LAMA2: variants seen among roughly 807,000 people sequenced by gnomAD.
LAMA2 encodes the protein laminin subunit alpha 2, also known as laminin subunit alpha-2.
A neutral mutation model predicts 364.8 loss-of-function variants in LAMA2; 269 were observed. The observed-to-expected ratio is 0.74, with a 90% CI of 0.67 to 0.82. The LOEUF is 0.82. Ranked by LOEUF, LAMA2 falls within the 40% of genes least tolerant of loss-of-function variation. The pLI is 0.00. For missense variants in LAMA2, 3,807 were observed against 3,873.2 expected, an observed-to-expected ratio of 0.98 and a Z score of 0.45; for synonymous variants, 1,379 against 1,370.6, an observed-to-expected ratio of 1.01 and a Z score of -0.14.
At chr6:129,196,470 A>G (rs988904435) in intron 12 of LAMA2, among the ~76,000 whole-genome samples, 5 of 152,228 alleles carry the variant, frequency 3.3e-5, no homozygotes, top group Admixed American at 1.3e-4. Context: ...TAGGTTGCTC[A>G]GAAATGCCCA....
intron 1 of LAMA2, among the ~76,000 whole-genome samples, chr6:128,911,875 T>A (rs1777989483): frequency 6.6e-6 from 1 of 152,182 alleles, no homozygotes. Flanking sequence ...TCTTAGAATT[T>A]CCTTTATATG....
intron 32 of LAMA2, among the ~76,000 whole-genome samples, chr6:129,362,093 C>T (rs1777498509): frequency 6.6e-6 from 1 of 151,888 alleles, no homozygotes; most frequent in African/African-American, 2.4e-5. Context: ...CCAGTAGTAA[C>T]CATTTTTAAT....
intron 45 of LAMA2, among the ~76,000 whole-genome samples, chr6:129,446,207 C>T (rs1050218340): frequency 2.0e-5 from 3 of 151,436 alleles, no homozygotes; most frequent in East Asian, 3.9e-4. Flanking sequence ...GGGGTTATGG[C>T]AGGAATGAAG....
At chr6:129,418,411 A>G (rs1780908537) in intron 40 of LAMA2, among the ~76,000 whole-genome samples, 1 of 151,984 alleles carries the variant, frequency 6.6e-6, no homozygotes, top group African/African-American at 2.4e-5. Context: ...CCAAATTCTG[A>G]TGCTAGAAAT....
chr6:129,384,413 C>T (rs1404283904), intron 35 of LAMA2, among the ~76,000 whole-genome samples: 1 of 152,158 alleles, frequency 6.6e-6, no homozygotes, highest in Non-Finnish European at 1.5e-5. Flanking sequence ...ATTGACATTT[C>T]AAACACCCAA....
chr6:129,471,834 G>A (rs747995786), intron 51 of LAMA2, among the ~76,000 whole-genome samples: 28 of 151,794 alleles, frequency 1.8e-4, no homozygotes, highest in African/African-American at 6.5e-4. Context: ...CAAAAGTCTG[G>A]TTTGAGGTGT....
intron 55 of LAMA2, among the ~76,000 whole-genome samples, chr6:129,485,926 G>A (rs972680777): frequency 1.3e-5 from 2 of 152,202 alleles, no homozygotes; most frequent in Admixed American, 6.5e-5. Context: ...AACCACACTG[G>A]TTGCTATAGT....
At chr6:129,053,678 A>G (rs566579650) in intron 2 of LAMA2, among the ~76,000 whole-genome samples, 157 of 152,234 alleles carry the variant, frequency 1.0e-3, no homozygotes, top group Non-Finnish European at 1.9e-3. Context: ...AAAGCATAAA[A>G]TAGGTTTCCC....
chr6:129,235,464 T>TA (rs1376218994), intron 12 of LAMA2, among the ~76,000 whole-genome samples: 1 of 152,096 alleles, frequency 6.6e-6, no homozygotes, highest in African/African-American at 2.4e-5. Flanking sequence ...ATGAAGAAAA[T>TA]AAGTGTCCAA....
chr6:129,127,707 A>G (rs996830031), intron 4 of LAMA2, among the ~76,000 whole-genome samples: 3 of 152,092 alleles, frequency 2.0e-5, no homozygotes, highest in Admixed American at 2.0e-4. Flanking sequence ...GATATTACCT[A>G]TTCTGACAGG....
At chr6:129,375,763 A>G (rs1778337184) in intron 34 of LAMA2, among the ~76,000 whole-genome samples, 1 of 152,194 alleles carries the variant, frequency 6.6e-6, no homozygotes, top group African/African-American at 2.4e-5. Flanking sequence ...CTATATTTTC[A>G]AGGCTGACTT....
In LAMA2 at chr6:128,909,394, C is replaced by T. The variant is rs1371216602; in HGVS notation, c.112+26037C>T. Among the ~76,000 whole-genome samples the T allele has an allele frequency of 2.6e-5, 4 of 151,720 alleles. 1 individual carries two copies. In the South Asian group the frequency reaches 8.4e-4, roughly 32 times the overall value. ...TGATCCCTTTACCATTATGTAATGG[C>T]CTTCTTTGTCTCTTTTGATCTTTGT... is the stretch of plus-strand genomic sequence containing the variant. On this transcript the variant is annotated intron_variant, in intron 1 of 64. Coordinates refer to ENST00000421865, the MANE Select transcript of LAMA2 (RefSeq NM_000426.4).
intron 34 of LAMA2, among the ~76,000 whole-genome samples, chr6:129,374,579 CTT>C (rs10586725): frequency 0.022 from 3,147 of 140,570 alleles, 113 homozygotes; most frequent in African/African-American, 0.077. Flanking sequence ...TACTGCCAAT[CTT>C]TTTTTTTTTT....
chr6:129,112,533 G>A (rs1466011903), intron 4 of LAMA2, among the ~76,000 whole-genome samples: 1 of 151,960 alleles, frequency 6.6e-6, no homozygotes, highest in Non-Finnish European at 1.5e-5. Context: ...TTGGGTATAT[G>A]TAGCCAGTAA....
chr6:129,021,103 T>C (rs11154456), intron 1 of LAMA2, among the ~76,000 whole-genome samples: 26,664 of 152,202 alleles, frequency 0.18, 2,821 homozygotes, highest in African/African-American at 0.29. Flanking sequence ...AAGTTTCTCC[T>C]TTTTGGATTT....
chr6:129,099,355 T>C (rs1775386223), intron 4 of LAMA2, among the ~76,000 whole-genome samples: 1 of 151,992 alleles, frequency 6.6e-6, no homozygotes, highest in Non-Finnish European at 1.5e-5. Context: ...AAGGAAATAA[T>C]AACCATTACT....
At chr6:129,182,072 A>AGTATT (rs1562307723) in intron 10 of LAMA2, among the ~76,000 whole-genome samples, 1 of 151,922 alleles carries the variant, frequency 6.6e-6, no homozygotes, top group African/African-American at 2.4e-5. Context: ...AAAAAGCAGT[A>AGTATT]GTATTTCTAT....
At chr6:129,311,346 C>T (rs983427611) in intron 22 of LAMA2, among the ~76,000 whole-genome samples, 15 of 152,158 alleles carry the variant, frequency 9.9e-5, no homozygotes, top group African/African-American at 3.6e-4. Flanking sequence ...CGGTCTCAAT[C>T]TCCTGACCTT....
At chr6:128,883,709 C>T (rs1022717471) in intron 1 of LAMA2, among the ~76,000 whole-genome samples, 1 of 151,598 alleles carries the variant, frequency 6.6e-6, no homozygotes, top group Non-Finnish European at 1.5e-5. Context: ...CAGAGCCCAT[C>T]CTGCAGAGAA....
Sources: gnomAD v4.1 joint callset for allele counts (sites outside exome capture counted in the v4.1 genomes callset) on GRCh38, gnomAD v4.1.1 for gene constraint, MANE v1.5 for transcripts, NCBI Gene and HGNC (gene_info 2026-07-23, HGNC 2026-07-21) for gene names.